GRIP1: variants seen among roughly 807,000 people sequenced by gnomAD.
GRIP1 encodes the protein glutamate receptor-interacting protein 1.
Under a neutral mutation model 129.9 loss-of-function variants are expected in GRIP1, and 45 were observed. The observed-to-expected ratio is 0.35, with a 90% CI of 0.27 to 0.44. The LOEUF (loss-of-function observed/expected upper bound fraction) is 0.44. GRIP1 is among the 20% of genes least tolerant of loss of function. The pLI, the probability that GRIP1 is intolerant of heterozygous loss-of-function variation, is 1.00. For missense variants in GRIP1, 1,196 were observed against 1,396.8 expected (o/e 0.86, Z 2.29); for synonymous variants, 530 against 520.8 (o/e 1.02, Z -0.24).
At chr12:66,788,371 T>A (rs2038425274) in intron 1 of GRIP1, among the ~76,000 whole-genome samples, 1 of 151,948 alleles carries the variant, frequency 6.6e-6, no homozygotes, top group Non-Finnish European at 1.5e-5. Flanking sequence ...AACAATAATA[T>A]TTAACATGAA....
At chr12:66,855,216 G>A (rs2039983536) in intron 1 of GRIP1, among the ~76,000 whole-genome samples, 1 of 151,922 alleles carries the variant, frequency 6.6e-6, no homozygotes, top group Non-Finnish European at 1.5e-5. Context: ...CCAATCAAAT[G>A]CTATTAAGTC....
chr12:66,399,266 C>G (rs574323250), intron 16 of GRIP1, among the ~76,000 whole-genome samples: 4 of 151,842 alleles, frequency 2.6e-5, no homozygotes, highest in Non-Finnish European at 4.4e-5. Context: ...CCTGCCTTCT[C>G]GGGCTTTAAC....
chr12:66,633,788 C>T (rs908946018), intron 1 of GRIP1, among the ~76,000 whole-genome samples: 4 of 152,186 alleles, frequency 2.6e-5, no homozygotes, highest in Non-Finnish European at 4.4e-5. Context: ...TGGCCACAGC[C>T]TAAGCAATTT....
chr12:66,807,828 C>T (rs769041884), upstream of GRIP1, among the ~76,000 whole-genome samples: 1 of 151,898 alleles, frequency 6.6e-6, no homozygotes, highest in Non-Finnish European at 1.5e-5. Flanking sequence ...CCAATTAAAC[C>T]TATTTTTTAT....
At chr12:66,658,376 T>C (rs770788145) in intron 1 of GRIP1, among the ~76,000 whole-genome samples, 3 of 152,110 alleles carry the variant, frequency 2.0e-5, no homozygotes, top group Non-Finnish European at 2.9e-5. Flanking sequence ...GTAATTAAAA[T>C]TGTAGTCTTG....
At chr12:66,891,888 G>A (rs1016867349) in intron 1 of GRIP1, 1 of 152,270 alleles carries the variant, frequency 6.6e-6, no homozygotes, top group Admixed American at 6.5e-5. Flanking sequence ...GAGAAGAGCA[G>A]ACTATGACAT....
At chr12:66,514,418 G>A (rs2060786254) in intron 7 of GRIP1, among the ~76,000 whole-genome samples, 1 of 152,036 alleles carries the variant, frequency 6.6e-6, no homozygotes, top group Admixed American at 6.6e-5. Flanking sequence ...AAGGCACAGG[G>A]AAATCAAATC....
intron 1 of GRIP1, among the ~76,000 whole-genome samples, chr12:66,618,454 T>C (rs1340115581): frequency 6.6e-6 from 1 of 152,122 alleles, no homozygotes; most frequent in Non-Finnish European, 1.5e-5. Flanking sequence ...CTTTTCACCA[T>C]ATATCTTCTC....
rs549297882 is a variant in GRIP1, at chr12:66,918,673, T to A, written c.58+150377A>T. ...GTTTTCTTCTCCAGAAGAAAAATTA[T>A]CCTTCTTTCTCACATTTACAAGAGC... On this transcript the variant is annotated intron_variant, in intron 1 of 1. Coordinates refer to the GRIP1 transcript ENST00000643019. 6.6e-5 allele frequency among the ~76,000 whole-genome samples: 10 copies of A among 152,320 alleles called. No homozygotes were observed. In the South Asian group the frequency reaches 2.1e-3, roughly 32 times the overall value.
At chr12:66,521,686 G>A (rs1181940410) in intron 5 of GRIP1, among the ~76,000 whole-genome samples, 3 of 152,216 alleles carry the variant, frequency 2.0e-5, no homozygotes, top group East Asian at 1.9e-4. Context: ...CCGGGCGCGA[G>A]CCAAAGCAGG....
At chr12:66,933,532 T>C (rs2041434396) in intron 1 of GRIP1, among the ~76,000 whole-genome samples, 1 of 152,184 alleles carries the variant, frequency 6.6e-6, no homozygotes, top group African/African-American at 2.4e-5. Context: ...ATACATGTTA[T>C]TCATATTTAG....
At chr12:67,064,873 G>A (rs2043595385) in intron 1 of GRIP1, 1 of 151,000 alleles carries the variant, frequency 6.6e-6, no homozygotes. Flanking sequence ...TCTAGCATTA[G>A]GTATATCTCC....
intron 1 of GRIP1, among the ~76,000 whole-genome samples, chr12:66,746,048 A>G (rs2036934069): frequency 6.6e-6 from 1 of 152,198 alleles, no homozygotes; most frequent in Non-Finnish European, 1.5e-5. Flanking sequence ...AATGAACACC[A>G]TAGGAAGGAC....
At chr12:66,914,778 G>A (rs1592949770) in intron 1 of GRIP1, among the ~76,000 whole-genome samples, 1 of 152,134 alleles carries the variant, frequency 6.6e-6, no homozygotes, top group Non-Finnish European at 1.5e-5. Flanking sequence ...ACCCTGGCAG[G>A]AGAAAAACAA....
chr12:66,834,390 C>T (rs1371669857), intron 1 of GRIP1, among the ~76,000 whole-genome samples: 1 of 152,114 alleles, frequency 6.6e-6, no homozygotes, highest in Non-Finnish European at 1.5e-5. Flanking sequence ...TGGTCTTTCA[C>T]TCCTCGCTGA....
chr12:66,720,799 T>A (rs531882296), intron 1 of GRIP1, among the ~76,000 whole-genome samples: 1 of 152,276 alleles, frequency 6.6e-6, no homozygotes, highest in South Asian at 2.1e-4. Context: ...TCTGCAATTA[T>A]CTCCTCTACT....
intron 7 of GRIP1, among the ~76,000 whole-genome samples, chr12:66,476,668 G>C (rs1415642363): frequency 1.3e-5 from 2 of 152,080 alleles, no homozygotes; most frequent in South Asian, 2.1e-4. Flanking sequence ...ACATCAAAAG[G>C]CTTATCCACC....
At chr12:66,451,390 T>G (rs998403543) in intron 11 of GRIP1, among the ~76,000 whole-genome samples, 4 of 47,666 alleles carry the variant, frequency 8.4e-5, no homozygotes, top group East Asian at 7.4e-4. Flanking sequence ...TCTGTTTTTT[T>G]TTTTTTTTTT....
At chr12:66,662,126 G>T (rs540683483) in intron 1 of GRIP1, among the ~76,000 whole-genome samples, 1 of 152,090 alleles carries the variant, frequency 6.6e-6, no homozygotes, top group Admixed American at 6.5e-5. Context: ...CATTTTCAGG[G>T]TTCTGCGGTT....
Sources: gnomAD v4.1 joint callset for allele counts (sites outside exome capture counted in the v4.1 genomes callset) on GRCh38, gnomAD v4.1.1 for gene constraint, MANE v1.5 for transcripts, NCBI Gene and HGNC (gene_info 2026-07-23, HGNC 2026-07-21) for gene names.